Variants in LRBA observed in about 807,000 individuals in gnomAD.
LRBA encodes lipopolysaccharide-responsive and beige-like anchor protein.
LRBA carries 176 observed loss-of-function variants against 330.0 expected under a neutral mutation model. The ratio of observed to expected loss-of-function variants is 0.53; its 90% CI spans 0.47 to 0.60. LRBA has a LOEUF of 0.60. LRBA is among the 20% of genes least tolerant of loss of function. LRBA has a pLI of 0.00. For missense variants in LRBA, 3,259 were observed against 3,444.8 expected (o/e 0.95, Z 1.35); for synonymous variants, 1,230 against 1,193.0 (o/e 1.03, Z -0.64).
chr4:150,517,530 A>C (rs1295155793), intron 40 of LRBA, among the ~76,000 whole-genome samples: 2 of 152,142 alleles, frequency 1.3e-5, no homozygotes, highest in Non-Finnish European at 1.5e-5. Flanking sequence ...CAAAAAAATA[A>C]ATAAATAGAA....
intron 2 of LRBA, among the ~76,000 whole-genome samples, chr4:150,982,761 ATG>A (rs1740999581): frequency 2.0e-5 from 3 of 152,240 alleles, no homozygotes; most frequent in Non-Finnish European, 4.4e-5. Context: ...AAGCCACAGA[ATG>A]TAGGGCAATG....
In LRBA at chr4:150,798,144, T is replaced by A; in HGVS notation, c.5519-2A>T. ...TACTCGACTTCATGCAAACCAGACC[T>A]ATTTTAAAGAGAATTTTAAAAAAGA... On this transcript the variant is annotated splice_acceptor_variant, in intron 33 of 56. Transcript: ENST00000651943. LOFTEE classifies it high-confidence loss of function. 6.3e-7 allele frequency: 1 copy of A among 1,589,420 alleles called. No homozygotes were observed. The highest frequency in any genetic ancestry group is 8.6e-7 in the Non-Finnish European group (1 of 1,157,780).
intron 47 of LRBA, among the ~76,000 whole-genome samples, chr4:150,401,926 G>A (rs978837900): frequency 4.6e-5 from 7 of 151,764 alleles, no homozygotes; most frequent in Non-Finnish European, 1.0e-4. Context: ...AGAGGAGGAA[G>A]GGAGGGAGAG....
intron 35 of LRBA, among the ~76,000 whole-genome samples, chr4:150,738,880 A>G (rs1001957400): frequency 3.3e-4 from 50 of 152,062 alleles, no homozygotes; most frequent in African/African-American, 1.1e-3. Context: ...CAAGATGTGG[A>G]GCAAATATAA....
At chr4:150,726,001 C>T (rs1322428264) in intron 36 of LRBA, among the ~76,000 whole-genome samples, 3 of 151,804 alleles carry the variant, frequency 2.0e-5, no homozygotes, top group African/African-American at 7.3e-5. Context: ...AATGGGTACA[C>T]AAAATATAAA....
intron 37 of LRBA, among the ~76,000 whole-genome samples, chr4:150,624,449 T>C (rs979343476): frequency 6.6e-6 from 1 of 152,150 alleles, no homozygotes; most frequent in Non-Finnish European, 1.5e-5. Context: ...CTTATGTGTT[T>C]CCCTTCTCTA....
At chr4:150,923,504 C>T (rs931698713) in intron 4 of LRBA, among the ~76,000 whole-genome samples, 2 of 152,128 alleles carry the variant, frequency 1.3e-5, no homozygotes, top group Admixed American at 1.3e-4. Context: ...TTAAACTTCC[C>T]TATCATATTT....
At chr4:150,988,779 A>G (rs139463972) in intron 2 of LRBA, among the ~76,000 whole-genome samples, 1,691 of 152,140 alleles carry the variant, frequency 0.011, 19 homozygotes, top group South Asian at 0.023. Flanking sequence ...GGGTTTTCCC[A>G]TGTTGGCCAG....
At chr4:150,467,015 G>A (rs1036787595) in intron 44 of LRBA, among the ~76,000 whole-genome samples, 18 of 152,038 alleles carry the variant, frequency 1.2e-4, no homozygotes, top group African/African-American at 4.3e-4. Flanking sequence ...AAATGTAAGG[G>A]TTAAGACTAG....
intron 40 of LRBA, among the ~76,000 whole-genome samples, chr4:150,573,548 T>C (rs1489061126): frequency 6.6e-6 from 1 of 152,188 alleles, no homozygotes; most frequent in African/African-American, 2.4e-5. Context: ...GACTGGTATA[T>C]ATGTCAAAAT....
intron 34 of LRBA, among the ~76,000 whole-genome samples, chr4:150,787,258 T>G (rs1739219488): frequency 6.6e-6 from 1 of 152,146 alleles, no homozygotes; most frequent in South Asian, 2.1e-4. Context: ...TCAGTAACTT[T>G]AATTTACAAC....
intron 40 of LRBA, among the ~76,000 whole-genome samples, chr4:150,494,599 A>G (rs1003039037): frequency 6.6e-6 from 1 of 152,214 alleles, no homozygotes. Flanking sequence ...AAAATATACC[A>G]TTTATATTCC....
rs1745176020 is a variant in LRBA, at chr4:150,265,396, G to A, written c.*326C>T. The stretch of plus-strand genomic sequence containing the variant: ...CTATTTCTCAAGCTTGTAGATGCAT[G>A]GGAAATGTTCTTCATAATATTATAG... On this transcript the variant is annotated 3_prime_UTR_variant, in exon 57 of 57. Transcript: ENST00000651943. 1 of 188,432 alleles carries A rather than the reference G, an allele frequency of 5.3e-6. No individual in the cohort carries two copies. The highest frequency in any genetic ancestry group is 2.3e-5 in the African/African-American group (1 of 42,810). 11.7% of individuals were successfully genotyped at this position (188,432 alleles called of 1,614,324 possible). A position where few individuals can be genotyped will look rare whatever the true frequency, so the allele number is the denominator to read the frequency against.
intron 16 of LRBA, 143 bp from the exon 17 acceptor site, chr4:150,893,292 T>C (rs1560970648): frequency 1.6e-5 from 9 of 571,356 alleles, no homozygotes; most frequent in Non-Finnish European, 2.2e-5. Flanking sequence ...ACAAATTATG[T>C]TCTTTAAATG....
rs1191885228 is a variant in LRBA at position 150,849,010 on chromosome 4, A to G, written c.4159-12T>C. 1 of 1,549,146 alleles carries G rather than the reference A, an allele frequency of 6.5e-7. No homozygotes were observed. Among genetic ancestry groups the G allele is most frequent in the Non-Finnish European group, 8.7e-7 (1 of 1,148,270 alleles). On this transcript the variant is annotated splice_polypyrimidine_tract_variant and intron_variant, in intron 25 of 56. Coordinates refer to ENST00000651943, the MANE Select transcript of LRBA (RefSeq NM_001364905.1). ...TTTTCCAGTTCATGCTGTAAAGAAT[A>G]AAGTTTGACATTTATATATATATAT...
chr4:150,998,925 T>C (rs1193401984), intron 2 of LRBA, among the ~76,000 whole-genome samples: 2 of 152,260 alleles, frequency 1.3e-5, no homozygotes, highest in Non-Finnish European at 2.9e-5. Context: ...AGTTGGTCAA[T>C]TGTAGCCTAA....
chr4:150,639,336 T>C (rs1025176474), intron 37 of LRBA, among the ~76,000 whole-genome samples: 2 of 117,916 alleles, frequency 1.7e-5, no homozygotes, highest in African/African-American at 6.3e-5. Flanking sequence ...AATGTGCACA[T>C]GTACCCTAAA....
At chr4:150,870,121 G>C (rs978631234) in intron 20 of LRBA, among the ~76,000 whole-genome samples, 5 of 152,094 alleles carry the variant, frequency 3.3e-5, no homozygotes, top group Admixed American at 6.5e-5. Context: ...TGTTTAACAA[G>C]ACTATCTTCA....
chr4:150,510,776 A>C (rs1761737790), intron 40 of LRBA, among the ~76,000 whole-genome samples: 1 of 152,164 alleles, frequency 6.6e-6, no homozygotes, highest in Admixed American at 6.5e-5. Context: ...TTAGACCCCT[A>C]TATCCAATCA....
Sources: gnomAD v4.1 joint callset for allele counts (sites outside exome capture counted in the v4.1 genomes callset) on GRCh38, gnomAD v4.1.1 for gene constraint, MANE v1.5 for transcripts, NCBI Gene and HGNC (gene_info 2026-07-23, HGNC 2026-07-21) for gene names.